Variants in RRP15 observed in about 807,000 individuals in gnomAD.
RRP15 encodes RRP15-like protein.
RRP15 carries 18 observed loss-of-function variants against 27.1 expected under a neutral mutation model. The ratio of observed to expected loss-of-function variants is 0.66; its 90% CI spans 0.46 to 0.98. RRP15 has a LOEUF of 0.98. RRP15 is among the 50% of genes least tolerant of loss of function. The pLI, the probability that RRP15 is intolerant of heterozygous loss-of-function variation, is 0.00. For missense variants in RRP15, 359 were observed against 337.8 expected, an observed-to-expected ratio of 1.06 and a Z score of -0.49; for synonymous variants, 107 against 109.4, an observed-to-expected ratio of 0.98 and a Z score of 0.14.
chr1:218,304,566 G>C (rs1655866085), intron 2 of RRP15, among the ~76,000 whole-genome samples: 1 of 152,212 alleles, frequency 6.6e-6, no homozygotes, highest in Non-Finnish European at 1.5e-5. Flanking sequence ...TAAGTATCTG[G>C]ATACGATGCT....
chr1:218,291,236 G>T (rs1484001094), intron 1 of RRP15, among the ~76,000 whole-genome samples: 1 of 151,912 alleles, frequency 6.6e-6, no homozygotes, highest in South Asian at 2.1e-4. Context: ...TCAGGAATTT[G>T]AGACCAGCCT....
intron 4 of RRP15, among the ~76,000 whole-genome samples, chr1:218,326,057 C>T (rs1035913256): frequency 6.6e-6 from 1 of 152,124 alleles, no homozygotes; most frequent in African/African-American, 2.4e-5. Flanking sequence ...GTAATCTTAG[C>T]ACTTTGGGAG....
intron 4 of RRP15, among the ~76,000 whole-genome samples, chr1:218,312,249 G>A (rs1408560394): frequency 1.3e-5 from 2 of 151,142 alleles, no homozygotes; most frequent in Non-Finnish European, 3.0e-5. Flanking sequence ...TCTCTCAGAA[G>A]TTTGAGAGAA....
At chr1:218,300,279 G>T (rs1571796180) in intron 1 of RRP15, among the ~76,000 whole-genome samples, 1 of 152,108 alleles carries the variant, frequency 6.6e-6, no homozygotes, top group East Asian at 1.9e-4. Context: ...AAATGTTATT[G>T]TTCTTTGCTA....
chr1:218,305,911 T>G (rs1410048986), intron 3 of RRP15, among the ~76,000 whole-genome samples: 2 of 152,168 alleles, frequency 1.3e-5, no homozygotes, highest in East Asian at 3.8e-4. Context: ...TTACTAGCAG[T>G]GTGTCCCTGG....
At chr1:218,320,126 T>C (rs1656164287) in intron 4 of RRP15, among the ~76,000 whole-genome samples, 1 of 151,732 alleles carries the variant, frequency 6.6e-6, no homozygotes, top group Non-Finnish European at 1.5e-5. Flanking sequence ...TCGTTACATA[T>C]GTATACATGT....
intron 1 of RRP15, among the ~76,000 whole-genome samples, chr1:218,291,874 G>A (rs1183612089): frequency 6.7e-6 from 1 of 149,066 alleles, no homozygotes; most frequent in Non-Finnish European, 1.5e-5. Context: ...GTCTTGGTCT[G>A]TTGCCTAGGC....
At chr1:218,319,057 T>A (rs947092365) in intron 4 of RRP15, among the ~76,000 whole-genome samples, 1 of 151,978 alleles carries the variant, frequency 6.6e-6, no homozygotes, top group Non-Finnish European at 1.5e-5. Flanking sequence ...TCTTCTTTTT[T>A]CTTTTGTCTT....
chr1:218,326,084 C>T (rs1164280234), intron 4 of RRP15, among the ~76,000 whole-genome samples: 2 of 152,160 alleles, frequency 1.3e-5, no homozygotes, highest in Non-Finnish European at 2.9e-5. Context: ...GTGGGTGGAT[C>T]ACGTGAAGTC....
At chr1:218,324,602 A>G (rs566080044) in intron 4 of RRP15, among the ~76,000 whole-genome samples, 8 of 152,340 alleles carry the variant, frequency 5.3e-5, no homozygotes, top group African/African-American at 1.9e-4. Context: ...TCATGTGCAT[A>G]TGTGTAGTCG....
chr1:218,324,476 G>A (rs550213633), intron 4 of RRP15, among the ~76,000 whole-genome samples: 1 of 152,300 alleles, frequency 6.6e-6, no homozygotes, highest in Admixed American at 6.5e-5. Flanking sequence ...CGGGGCACAA[G>A]GGTTCCAGCG....
chr1:218,304,890 T>A, intron 2 of RRP15, 138 bp from the exon 3 acceptor site: 1 of 720,160 alleles, frequency 1.4e-6, no homozygotes, highest in Non-Finnish European at 2.3e-6. Context: ...CCCCTAACAT[T>A]GTGTTTTTTT....
chr1:218,328,215 T>C (rs1439052499), intron 4 of RRP15, among the ~76,000 whole-genome samples: 1 of 152,234 alleles, frequency 6.6e-6, no homozygotes, highest in Non-Finnish European at 1.5e-5. Flanking sequence ...AGTAAAACGT[T>C]GTACTTAGTC....
intron 4 of RRP15, among the ~76,000 whole-genome samples, chr1:218,319,830 C>T (rs1184687255): frequency 1.3e-5 from 2 of 152,088 alleles, no homozygotes; most frequent in Admixed American, 6.5e-5. Flanking sequence ...ATTCACAGCT[C>T]TGCTAATTTT....
intron 1 of RRP15, among the ~76,000 whole-genome samples, chr1:218,289,617 C>T (rs1361684021): frequency 6.6e-6 from 1 of 152,210 alleles, no homozygotes; most frequent in African/African-American, 2.4e-5. Context: ...CCTGTTGCTT[C>T]CATATCTATT....
In RRP15 at chr1:218,336,814, T is replaced by C. The variant is rs1410453847; in HGVS notation, c.*5723T>C. ...AAGGTTCAATGTGATGATATCCTTC[T>C]CTACAAATGCCAGGAACACCAGGGT... On this transcript the variant is annotated 3_prime_UTR_variant, in exon 5 of 5. Coordinates refer to ENST00000366932, the MANE Select transcript of RRP15 (RefSeq NM_016052.4). The C allele has an allele frequency of 2.0e-5, 3 of 152,224 alleles. No individual in the cohort carries two copies. The East Asian group carries it at 5.8e-4, about 29-fold the overall frequency. The allele number at this position is 152,224 out of a possible 1,614,324, so 9.4% of individuals were successfully genotyped here.
intron 1 of RRP15, among the ~76,000 whole-genome samples, chr1:218,288,679 T>A (rs1361728568): frequency 6.6e-6 from 1 of 152,206 alleles, no homozygotes; most frequent in African/African-American, 2.4e-5. Context: ...TAGATAATTT[T>A]AAAAAGTATC....
At chr1:218,306,877 G>A (rs1402445977) in intron 3 of RRP15, among the ~76,000 whole-genome samples, 1 of 152,114 alleles carries the variant, frequency 6.6e-6, no homozygotes, top group Non-Finnish European at 1.5e-5. Context: ...GAAATCTGGT[G>A]TATTTTCATT....
rs1225166724 is a variant in RRP15, at chr1:218,307,414, C to T, written c.504-17C>T. On this transcript the variant is annotated splice_polypyrimidine_tract_variant and intron_variant, in intron 3 of 4. Coordinates refer to ENST00000366932, the MANE Select transcript of RRP15 (RefSeq NM_016052.4). ...TAATTATTTAATACATCATTCTGGT[C>T]ATTTTATATTCTACAGGGGTGTGGT... 6.3e-7 allele frequency: 1 copy of T among 1,596,646 alleles called. No homozygotes were observed. The highest frequency in any genetic ancestry group is 1.7e-5 in the Admixed American group (1 of 59,022).
Sources: allele counts gnomAD v4.1 joint callset (sites outside exome capture counted in the v4.1 genomes callset), GRCh38; gene constraint gnomAD v4.1.1; transcripts MANE v1.5; gene names NCBI Gene and HGNC (gene_info 2026-07-23, HGNC 2026-07-21).